CIDEA: variants seen among roughly 807,000 people sequenced by gnomAD.
CIDEA encodes the protein cell death inducing DFFA like effector a, also known as lipid transferase CIDEA.
In CIDEA, 10 loss-of-function variants were observed where a neutral mutation model predicts 18.2. That is an observed-to-expected ratio of 0.55 (90% CI 0.34 to 0.93). The LOEUF (loss-of-function observed/expected upper bound fraction) is 0.93. Ranked by LOEUF, CIDEA falls within the 40% of genes least tolerant of loss-of-function variation. The pLI is 0.02. For missense variants in CIDEA, 309 were observed against 293.1 expected (o/e 1.05, Z -0.40); for synonymous variants, 128 against 124.8 (o/e 1.03, Z -0.17).
chr18:12,254,407 A>T lies in CIDEA; in HGVS notation c.24A>T (p.Ala8=), dbSNP rs1483492098. ...CCATGGAGGCCGCCCGGGACTATGC[A>T]GGAGCCCTCATCAGGCGAGTGCCCC... is the stretch of plus-strand genomic sequence containing the variant. The part of the protein sequence containing the change: MEAARDY[A]GALIRPLTFM... Residue 8 remains alanine (A), a synonymous_variant, in exon 1 of 5, where the codon GCA becomes GCT. Coordinates refer to ENST00000320477, the MANE Select transcript of CIDEA (RefSeq NM_001279.4). 3 of 1,583,800 alleles carry T rather than the reference A, an allele frequency of 1.9e-6. No individual in the cohort carries two copies. The highest frequency in any genetic ancestry group is 1.3e-5 in the African/African-American group (1 of 74,730).
Position 12,254,381 on chromosome 18 carries a change from G to T in CIDEA, c.-3G>T, listed in dbSNP as rs201769378. 25 of 1,537,024 alleles carry T rather than the reference G, an allele frequency of 1.6e-5. No individual in the cohort carries two copies. Among genetic ancestry groups the T allele is most frequent in the Non-Finnish European group, 2.2e-5 (25 of 1,142,738 alleles). The stretch of plus-strand genomic sequence containing the variant: ...CCTCCAGGCCCGCTAGGGGATCCGC[G>T]CCATGGAGGCCGCCCGGGACTATGC... On this transcript the variant is annotated 5_prime_UTR_variant, in exon 1 of 5. Coordinates refer to ENST00000320477, the MANE Select transcript of CIDEA (RefSeq NM_001279.4).
intron 1 of CIDEA, among the ~76,000 whole-genome samples, chr18:12,259,371 C>T (rs935485343): frequency 2.6e-5 from 4 of 152,336 alleles, no homozygotes; most frequent in African/African-American, 7.2e-5. Context: ...ATTTGAAGTT[C>T]AGAGGATGGA....
Position 12,267,865 on chromosome 18 carries a change from A to G in CIDEA, c.330+3412A>G, listed in dbSNP as rs573873068. On this transcript the variant is annotated intron_variant, in intron 3 of 4. Coordinates refer to ENST00000320477, the MANE Select transcript of CIDEA (RefSeq NM_001279.4). ...CTGCAGAGACTTTGTCCCTTGGGGG[A>G]CATTTGTTAATGTCTGAAGACATGT... is the stretch of plus-strand genomic sequence containing the variant. 1.2e-4 allele frequency among the ~76,000 whole-genome samples: 18 copies of G among 152,010 alleles called. 1 individual carries two copies. The highest frequency in any genetic ancestry group is 3.9e-4 in the African/African-American group (16 of 41,466).
intron 4 of CIDEA, 25 bp downstream of exon 4, chr18:12,274,299 C>T (rs374274050): frequency 6.2e-6 from 10 of 1,610,852 alleles, no homozygotes; most frequent in Admixed American, 5.0e-5. Context: ...GGGTCACCTC[C>T]GGGGGTCTGC....
chr18:12,262,643 A>G (rs927373220), intron 1 of CIDEA, among the ~76,000 whole-genome samples, 182 bp from the exon 2 acceptor site: 4 of 152,194 alleles, frequency 2.6e-5, no homozygotes, highest in Admixed American at 2.0e-4. Context: ...TTTTGGCTTG[A>G]TGTGTTACTT....
chr18:12,264,504 A>T, intron 3 of CIDEA, 51 bp downstream of exon 3: 1 of 1,498,066 alleles, frequency 6.7e-7, no homozygotes, highest in African/African-American at 1.4e-5. Flanking sequence ...CTTTTTACCT[A>T]CAAATTTGTG....
At chr18:12,255,245 GA>G (rs1911997358) in intron 1 of CIDEA, among the ~76,000 whole-genome samples, 3 of 152,214 alleles carry the variant, frequency 2.0e-5, no homozygotes, top group Admixed American at 2.0e-4. Context: ...CAAGTACCTG[GA>G]AAAGGATAGA....
chr18:12,263,726 T>G (rs1045706065), intron 2 of CIDEA: 1 of 152,240 alleles, frequency 6.6e-6, no homozygotes, highest in African/African-American at 2.4e-5. Flanking sequence ...TAACTCAGAC[T>G]CAGGCACCCA....
At chr18:12,254,864 C>G (rs142938525) in intron 1 of CIDEA, 2 of 1,329,228 alleles carry the variant, frequency 1.5e-6, no homozygotes, top group Non-Finnish European at 2.0e-6. Context: ...ACAACGGGAG[C>G]TGGGCGCGGG....
intron 1 of CIDEA, among the ~76,000 whole-genome samples, chr18:12,258,954 C>T (rs1912114560): frequency 6.6e-6 from 1 of 152,228 alleles, no homozygotes; most frequent in African/African-American, 2.4e-5. Flanking sequence ...CGCCCTCTCC[C>T]CCCGGGTCAC....
intron 1 of CIDEA, among the ~76,000 whole-genome samples, chr18:12,257,995 C>G (rs1215814413): frequency 6.6e-6 from 1 of 152,162 alleles, no homozygotes; most frequent in Non-Finnish European, 1.5e-5. Context: ...TCTCATTCAA[C>G]CCCTTTCTGT....
In CIDEA at chr18:12,254,562, C is replaced by G. The variant is rs534644550; in HGVS notation, c.38+141C>G. 15 of 787,332 alleles carry G rather than the reference C, an allele frequency of 1.9e-5. No homozygotes were observed. In the South Asian group the frequency reaches 2.9e-4, roughly 15 times the overall value. The allele number at this position is 787,332 out of a possible 1,614,324, so 48.8% of individuals were successfully genotyped here. On this transcript the variant is annotated intron_variant, in intron 1 of 4. Transcript: ENST00000320477. ...CCCCGCATTCTCTTGCGCTCCGCGA[C>G]CCCGCGCACACACCCATCCGCCCCA...
At chr18:12,275,446 A>G (rs147079174) in intron 4 of CIDEA, among the ~76,000 whole-genome samples, 64 of 152,386 alleles carry the variant, frequency 4.2e-4, no homozygotes, top group Non-Finnish European at 7.8e-4. Context: ...CTACTCCAGT[A>G]AATTTACCGT....
chr18:12,265,808 C>T (rs914918237), intron 3 of CIDEA, among the ~76,000 whole-genome samples: 4 of 152,038 alleles, frequency 2.6e-5, no homozygotes, highest in East Asian at 3.9e-4. Context: ...AAACACAGAA[C>T]GTAAGGACTC....
At chr18:12,262,408 A>T (rs1462721667) in intron 1 of CIDEA, among the ~76,000 whole-genome samples, 4 of 152,212 alleles carry the variant, frequency 2.6e-5, no homozygotes, top group African/African-American at 9.7e-5. Flanking sequence ...TTGTGTAAAC[A>T]TGTAGCTATG....
chr18:12,277,383 C>G lies in CIDEA; in HGVS notation c.*113C>G. On this transcript the variant is annotated 3_prime_UTR_variant, in exon 5 of 5. Coordinates refer to ENST00000320477, the MANE Select transcript of CIDEA (RefSeq NM_001279.4). ...CCACATGCACTTGGAGGCCGCTGGT[C>G]ACGCTGCTCAGGAGTGGTGCCCAGA... The G allele has an allele frequency of 8.4e-7, 1 of 1,191,560 alleles. No individual in the cohort carries two copies. The allele number at this position is 1,191,560 out of a possible 1,614,324, so 73.8% of individuals were successfully genotyped here. A position where few individuals can be genotyped will look rare whatever the true frequency, so the allele number is the denominator to read the frequency against.
At chr18:12,275,405 A>G (rs781431220) in intron 4 of CIDEA, among the ~76,000 whole-genome samples, 3 of 152,236 alleles carry the variant, frequency 2.0e-5, no homozygotes, top group Non-Finnish European at 4.4e-5. Flanking sequence ...CAAGCTCTTT[A>G]TGATTGCCAG....
intron 3 of CIDEA, among the ~76,000 whole-genome samples, chr18:12,273,033 T>C (rs7243090): frequency 2.0e-5 from 3 of 151,904 alleles, no homozygotes; most frequent in Non-Finnish European, 4.4e-5. Flanking sequence ...GAGCTTTTAG[T>C]TGACAGATTC....
At chr18:12,276,566 C>G (rs1399571913) in intron 4 of CIDEA, among the ~76,000 whole-genome samples, 1 of 152,234 alleles carries the variant, frequency 6.6e-6, no homozygotes, top group Admixed American at 6.5e-5. Flanking sequence ...AGCCCCCACA[C>G]TGGAGGCACC....
Sources: gnomAD v4.1 joint callset for allele counts (sites outside exome capture counted in the v4.1 genomes callset) on GRCh38, gnomAD v4.1.1 for gene constraint, MANE v1.5 for transcripts, NCBI Gene and HGNC (gene_info 2026-07-23, HGNC 2026-07-21) for gene names.